AGBL1: variants seen among roughly 807,000 people sequenced by gnomAD.
AGBL1 encodes cytosolic carboxypeptidase 4.
AGBL1 carries 130 observed loss-of-function variants against 118.9 expected under a neutral mutation model. The observed-to-expected ratio is 1.09, with a 90% CI of 0.95 to 1.26. The LOEUF (loss-of-function observed/expected upper bound fraction) is 1.26, where lower values mean the gene tolerates loss of function less well. AGBL1 is among the 50% of genes most tolerant of loss of function. The pLI is 0.00. For missense variants in AGBL1, 1,584 were observed against 1,298.1 expected (o/e 1.22, Z -3.38); for synonymous variants, 555 against 478.9 (o/e 1.16, Z -2.08).
intron 1 of AGBL1, among the ~76,000 whole-genome samples, chr15:86,105,508 G>T (rs565617547): frequency 1.3e-5 from 2 of 152,168 alleles, no homozygotes; most frequent in Non-Finnish European, 2.9e-5. Flanking sequence ...AGGCTTCTTG[G>T]CCTCTATCAT....
At chr15:86,441,299 A>T (rs184184464) in intron 18 of AGBL1, among the ~76,000 whole-genome samples, 2,764 of 152,050 alleles carry the variant, frequency 0.018, 65 homozygotes, top group African/African-American at 0.051. Context: ...TACTTTTTTT[A>T]AAAAAAATAT....
chr15:86,686,998 T>A (rs776344468), intron 22 of AGBL1, among the ~76,000 whole-genome samples: 1 of 152,140 alleles, frequency 6.6e-6, no homozygotes, highest in Non-Finnish European at 1.5e-5. Flanking sequence ...GAACAGTGGA[T>A]GTGGTTTTGT....
intron 5 of AGBL1, among the ~76,000 whole-genome samples, chr15:86,191,029 A>G (rs775934471): frequency 6.6e-6 from 1 of 152,132 alleles, no homozygotes; most frequent in Non-Finnish European, 1.5e-5. Flanking sequence ...CTGGTAAGAA[A>G]GATGCCTGAA....
chr15:86,143,916 G>A, intron 3 of AGBL1, 71 bp downstream of exon 3: 4 of 1,545,168 alleles, frequency 2.6e-6, no homozygotes, highest in Non-Finnish European at 3.5e-6. Flanking sequence ...GTGCAATTTG[G>A]GAAGCTTTGG....
intron 1 of AGBL1, among the ~76,000 whole-genome samples, chr15:86,132,422 G>A (rs543087617): frequency 2.6e-5 from 4 of 152,264 alleles, no homozygotes; most frequent in Non-Finnish European, 4.4e-5. Flanking sequence ...CCTTGACGAC[G>A]GTGTGAGCCT....
chr15:86,704,376 G>T (rs1309411041), intron 22 of AGBL1, among the ~76,000 whole-genome samples: 1 of 152,078 alleles, frequency 6.6e-6, no homozygotes, highest in Non-Finnish European at 1.5e-5. Context: ...GAAAATTTTT[G>T]CAATCTACCC....
chr15:86,642,448 TC>T (rs1241816247), intron 21 of AGBL1, among the ~76,000 whole-genome samples: 1 of 152,174 alleles, frequency 6.6e-6, no homozygotes, highest in African/African-American at 2.4e-5. Flanking sequence ...TCATTTTTTT[TC>T]TTCCAGCGTT....
At position 86,262,760 on chromosome 15, in the gene AGBL1, A is replaced by T; in HGVS notation, c.970-18A>T. ...GGATTTCCTGACTGTAATCTCTTCT[A>T]TGACTATTCCATTTTAGGATGATGA... On this transcript the variant is annotated intron_variant, in intron 9 of 22. Coordinates refer to ENST00000614907, the MANE Select transcript of AGBL1 (RefSeq NM_001386094.1). The T allele has an allele frequency of 6.5e-7, 1 of 1,527,820 alleles. No homozygotes were observed. The highest frequency in any genetic ancestry group is 9.0e-7 in the Non-Finnish European group (1 of 1,110,808). The allele number at this position is 1,527,820 out of a possible 1,614,324, so 94.6% of individuals were successfully genotyped here. A position where few individuals can be genotyped will look rare whatever the true frequency, so the allele number is the denominator to read the frequency against.
At chr15:86,321,130 CTTTTAT>C in intron 17 of AGBL1, among the ~76,000 whole-genome samples, 1 of 152,174 alleles carries the variant, frequency 6.6e-6, no homozygotes, top group South Asian at 2.1e-4. Context: ...ACATAATACT[CTTTTAT>C]TTTTAAATTC....
At chr15:86,550,800 C>A in intron 20 of AGBL1, among the ~76,000 whole-genome samples, 1 of 151,874 alleles carries the variant, frequency 6.6e-6, no homozygotes, top group East Asian at 1.9e-4. Flanking sequence ...GAGTGCACAT[C>A]AAAATTTCTC....
intron 17 of AGBL1, among the ~76,000 whole-genome samples, chr15:86,331,331 C>T (rs1208617747): frequency 6.6e-6 from 1 of 151,576 alleles, no homozygotes; most frequent in Non-Finnish European, 1.5e-5. Flanking sequence ...CTCTCTTCTT[C>T]TCTCCTGAGA....
chr15:86,465,940 C>G (rs771730816), intron 18 of AGBL1, among the ~76,000 whole-genome samples: 9 of 152,184 alleles, frequency 5.9e-5, no homozygotes, highest in Non-Finnish European at 1.3e-4. Flanking sequence ...ACACCCCTCC[C>G]CTTTTGAAAA....
intron 5 of AGBL1, among the ~76,000 whole-genome samples, chr15:86,172,121 T>A (rs2077424945): frequency 6.6e-6 from 1 of 152,108 alleles, no homozygotes; most frequent in South Asian, 2.1e-4. Context: ...CACCAAAATC[T>A]CAGAAATCAC....
chr15:86,963,275 A>T (rs997850336), intron 23 of AGBL1, among the ~76,000 whole-genome samples: 2 of 152,134 alleles, frequency 1.3e-5, no homozygotes, highest in African/African-American at 4.8e-5. Flanking sequence ...CCACGGCTAC[A>T]TTGACACGTA....
At chr15:86,191,959 G>A (rs2077729570) in intron 5 of AGBL1, among the ~76,000 whole-genome samples, 2 of 150,796 alleles carry the variant, frequency 1.3e-5, no homozygotes, top group Admixed American at 1.3e-4. Flanking sequence ...AAATTAGCTA[G>A]GTGTAATGGC....
At chr15:86,618,450 C>A (rs2084760229) in intron 21 of AGBL1, among the ~76,000 whole-genome samples, 1 of 152,174 alleles carries the variant, frequency 6.6e-6, no homozygotes, top group African/African-American at 2.4e-5. Flanking sequence ...GGGCCACCCT[C>A]ATCAGACTCA....
chr15:86,916,377 G>C (rs1417602364), downstream of AGBL1, among the ~76,000 whole-genome samples: 1 of 152,086 alleles, frequency 6.6e-6, no homozygotes, highest in Non-Finnish European at 1.5e-5. Flanking sequence ...TAACCTGTGA[G>C]AACGATGAAA....
At chr15:86,189,900 C>G (rs2077692665) in intron 5 of AGBL1, among the ~76,000 whole-genome samples, 1 of 152,148 alleles carries the variant, frequency 6.6e-6, no homozygotes, top group Non-Finnish European at 1.5e-5. Flanking sequence ...TGGACTGACA[C>G]CAGGTACCCA....
intron 22 of AGBL1, among the ~76,000 whole-genome samples, chr15:86,848,135 A>G (rs1273311159): frequency 1.3e-5 from 2 of 152,078 alleles, no homozygotes; most frequent in Non-Finnish European, 2.9e-5. Context: ...ATGTCAATTG[A>G]GTGGGGGACA....
Sources: allele counts gnomAD v4.1 joint callset (sites outside exome capture counted in the v4.1 genomes callset), GRCh38; gene constraint gnomAD v4.1.1; transcripts MANE v1.5; gene names NCBI Gene and HGNC (gene_info 2026-07-23, HGNC 2026-07-21).